The following DOCK8 variants were observed in gnomAD, a reference collection of about 807,000 sequenced individuals.
The protein encoded by DOCK8 is dedicator of cytokinesis protein 8.
In DOCK8, 141 loss-of-function variants were observed where a neutral mutation model predicts 245.6. The observed-to-expected ratio is 0.57, with a 90% CI of 0.50 to 0.66. The LOEUF (loss-of-function observed/expected upper bound fraction) is 0.66, where lower values mean the gene tolerates loss of function less well. Ranked by LOEUF, DOCK8 falls within the 30% of genes least tolerant of loss-of-function variation. DOCK8 has a pLI of 0.00. For missense variants in DOCK8, 2,965 were observed against 2,603.4 expected (o/e 1.14, Z -3.02); for synonymous variants, 1,168 against 970.2 (o/e 1.20, Z -3.79).
rs375758495 is a variant in DOCK8 at position 286,627 on chromosome 9, C to A, written c.323C>A (p.Pro108Gln). The A allele has an allele frequency of 4.3e-6, 7 of 1,613,510 alleles. No individual in the cohort carries two copies. Among genetic ancestry groups the A allele is most frequent in the South Asian group, 1.1e-5 (1 of 91,058 alleles). Residue 108 changes from proline to glutamine, a missense_variant, in exon 3 of 48, where the codon CCG becomes CAG. Around this residue, in one of 3 missense-constraint regions of DOCK8, gnomAD observed 2,825 missense variants for 2,453.5 expected, o/e 1.15. Coordinates refer to ENST00000432829, the MANE Select transcript of DOCK8 (RefSeq NM_203447.4). ...TGTAGGACTTTGCAGCCCTCTTTGC[C>A]GGAGGAAGGGTAAATAGTTTTCTAA... is the stretch of plus-strand genomic sequence containing the variant. Reference protein sequence around the residue: ...KECRTLQPSLPEEGVELDPHV... With the variant: ...KECRTLQPSLQEEGVELDPHV...
At chr9:435,180 A>G (rs2056857086) in intron 39 of DOCK8, among the ~76,000 whole-genome samples, 1 of 152,192 alleles carries the variant, frequency 6.6e-6, no homozygotes, top group Admixed American at 6.5e-5. Context: ...CTGACAAAGA[A>G]TTGTCTGGCC....
intron 12 of DOCK8, among the ~76,000 whole-genome samples, chr9:337,105 G>T (rs1465497850): frequency 6.6e-6 from 1 of 151,906 alleles, no homozygotes; most frequent in African/African-American, 2.4e-5. Context: ...ATCTGTGAAT[G>T]GATTAATCCA....
intron 4 of DOCK8, among the ~76,000 whole-genome samples, chr9:300,645 C>T (rs1244516959): frequency 1.3e-5 from 2 of 151,712 alleles, no homozygotes; most frequent in African/African-American, 4.8e-5. Flanking sequence ...TAAGCACAAT[C>T]AGAAATGACA....
At chr9:367,726 G>C (rs2053076467) in intron 14 of DOCK8, among the ~76,000 whole-genome samples, 1 of 152,182 alleles carries the variant, frequency 6.6e-6, no homozygotes, top group Admixed American at 6.5e-5. Context: ...GTATCAGATA[G>C]ACAATTACCT....
At chr9:385,711 A>G (rs754187359) in intron 22 of DOCK8, among the ~76,000 whole-genome samples, 21 of 152,346 alleles carry the variant, frequency 1.4e-4, no homozygotes, top group Non-Finnish European at 2.4e-4. Flanking sequence ...CCAGCACAAC[A>G]CAACTCAGCC....
At chr9:238,712 G>C (rs529532460) in intron 1 of DOCK8, among the ~76,000 whole-genome samples, 1 of 152,268 alleles carries the variant, frequency 6.6e-6, no homozygotes, top group East Asian at 1.9e-4. Flanking sequence ...CATATTTCCA[G>C]TTACAAAATA....
At chr9:297,347 T>C (rs1272864237) in intron 4 of DOCK8, among the ~76,000 whole-genome samples, 1 of 152,186 alleles carries the variant, frequency 6.6e-6, no homozygotes, top group Non-Finnish European at 1.5e-5. Flanking sequence ...GAGCCTGGAT[T>C]CTGCTGGCTG....
chr9:428,390 G>A lies in DOCK8; in HGVS notation c.4367G>A (p.Ser1456Asn), dbSNP rs538961628. ...QASSALDCKDSLLGGVLRVLV... is the reference protein window; with the variant it reads ...QASSALDCKDNLLGGVLRVLV... ...AGCTCGGCTCTGGACTGTAAAGACAGCCTGCTGGGAGGTGTTCTGAGGGTG... is the reference window on the plus strand; with the variant it reads ...AGCTCGGCTCTGGACTGTAAAGACAACCTGCTGGGAGGTGTTCTGAGGGTG... Residue 1456 changes from serine to asparagine, a missense_variant, in exon 35 of 48, where the codon AGC becomes AAC. By Grantham distance (46) the Ser-to-Asn change is conservative. Coordinates refer to ENST00000432829, the MANE Select transcript of DOCK8 (RefSeq NM_203447.4). 6.8e-6 allele frequency: 11 copies of A among 1,614,196 alleles called. No homozygotes were observed. The East Asian group carries it at 2.0e-4, about 29-fold the overall frequency.
chr9:270,650 T>G (rs1322144854), intron 1 of DOCK8, among the ~76,000 whole-genome samples: 1 of 152,240 alleles, frequency 6.6e-6, no homozygotes, highest in Non-Finnish European at 1.5e-5. Flanking sequence ...ATTTGTAATA[T>G]TTAAGTATTA....
At chr9:299,510 G>T (rs986874441) in intron 4 of DOCK8, among the ~76,000 whole-genome samples, 4 of 152,020 alleles carry the variant, frequency 2.6e-5, no homozygotes, top group Non-Finnish European at 5.9e-5. Flanking sequence ...TGGTGCTCCC[G>T]CCTTGGCCTC....
At chr9:272,797 T>TG (rs1435107736) in intron 2 of DOCK8, 2 of 152,520 alleles carry the variant, frequency 1.3e-5, no homozygotes, top group African/African-American at 2.4e-5. Flanking sequence ...GAGCACTAAA[T>TG]GCCAGATGTG....
intron 23 of DOCK8, 103 bp from the exon 24 acceptor site, chr9:390,368 C>A (rs16937557): frequency 2.8e-6 from 3 of 1,069,428 alleles, no homozygotes; most frequent in Non-Finnish European, 4.2e-6. Flanking sequence ...GCTTCAGGAA[C>A]GAACAAGCTA....
intron 29 of DOCK8, 81 bp downstream of exon 29, chr9:415,032 G>C: frequency 1.3e-6 from 2 of 1,562,988 alleles, no homozygotes; most frequent in South Asian, 1.1e-5. Context: ...TCTGTCATTC[G>C]TTCCAGTGCT....
intron 15 of DOCK8, 86 bp downstream of exon 15, chr9:368,221 A>C (rs1445433499): frequency 8.7e-7 from 1 of 1,144,070 alleles, no homozygotes; most frequent in African/African-American, 1.5e-5. Context: ...TCATCAGTGT[A>C]CAAAGTCCGT....
chr9:252,266 C>T (rs2047668467), intron 1 of DOCK8, among the ~76,000 whole-genome samples: 1 of 151,792 alleles, frequency 6.6e-6, no homozygotes, highest in African/African-American at 2.4e-5. Flanking sequence ...AGCCACCGTG[C>T]CCAGCCCCAA....
chr9:264,166 A>T (rs1280773092), intron 1 of DOCK8, among the ~76,000 whole-genome samples: 1 of 152,162 alleles, frequency 6.6e-6, no homozygotes, highest in Non-Finnish European at 1.5e-5. Context: ...TTAGGTGATT[A>T]TGCTGCTTCA....
chr9:420,996 A>T lies in DOCK8; in HGVS notation c.4071A>T (p.Ser1357=), dbSNP rs1237764750. 6.2e-7 allele frequency: 1 copy of T among 1,614,072 alleles called. No homozygotes were observed. Among genetic ancestry groups the T allele is most frequent in the African/African-American group, 1.3e-5 (1 of 74,930 alleles). Residue 1357 remains serine (S), a synonymous_variant, in exon 32 of 48, where the codon TCA becomes TCT. Transcript: ENST00000432829. ...TCAGTACCCAAGTCCTGCAGAAGTC[A>T]AGGGATGTCAAGGCCCGGCTGGAAG... The part of the protein sequence containing the change: ...DKVSTQVLQK[S]RDVKARLEEA...
intron 14 of DOCK8, among the ~76,000 whole-genome samples, chr9:361,769 T>G (rs967675870): frequency 2.6e-5 from 4 of 152,184 alleles, no homozygotes; most frequent in Non-Finnish European, 4.4e-5. Flanking sequence ...TATATTGAAG[T>G]AACAAAAATA....
intron 26 of DOCK8, among the ~76,000 whole-genome samples, chr9:403,678 A>G (rs904135773): frequency 3.3e-5 from 5 of 151,780 alleles, no homozygotes; most frequent in African/African-American, 9.7e-5. Flanking sequence ...AGCTTGGCCA[A>G]TATGGTTAAA....
Sources: gnomAD v4.1 joint callset for allele counts (sites outside exome capture counted in the v4.1 genomes callset) on GRCh38, gnomAD v4.1.1 for gene constraint, gnomAD v4.1.1 regional missense constraint, MANE v1.5 for transcripts, NCBI Gene and HGNC (gene_info 2026-07-23, HGNC 2026-07-21) for gene names.